Variants in TSGA10IP observed in about 807,000 individuals in gnomAD.
TSGA10IP encodes testis-specific protein 10-interacting protein.
TSGA10IP carries 64 observed loss-of-function variants against 63.2 expected under a neutral mutation model. That is an observed-to-expected ratio of 1.01 (90% CI 0.83 to 1.25). TSGA10IP has a LOEUF of 1.25. TSGA10IP is among the 50% of genes most tolerant of loss of function. The pLI is 0.00. For missense variants in TSGA10IP, 681 were observed against 710.1 expected, an observed-to-expected ratio of 0.96 and a Z score of 0.47; for synonymous variants, 316 against 298.3, an observed-to-expected ratio of 1.06 and a Z score of -0.61.
intron 4 of TSGA10IP, among the ~76,000 whole-genome samples, chr11:65,950,033 A>T (rs1448387716): frequency 2.0e-5 from 3 of 150,660 alleles, no homozygotes; most frequent in Non-Finnish European, 4.4e-5. Context: ...TTGTATTTTT[A>T]ATAGAGATGG....
At chr11:65,947,616 C>T in exon 3 of TSGA10IP, 1 of 1,613,684 alleles carries the variant, frequency 6.2e-7, no homozygotes, top group Non-Finnish European at 8.5e-7. Flanking sequence ...CACAGGACTC[C>T]CTGCAGAAGG....
intron 4 of TSGA10IP, among the ~76,000 whole-genome samples, chr11:65,951,031 G>T (rs1854933684): frequency 6.6e-6 from 1 of 152,116 alleles, no homozygotes; most frequent in African/African-American, 2.4e-5. Flanking sequence ...CAAATGATGG[G>T]ATTTTCTTCT....
chr11:65,959,400 G>A (rs771408016), intron 7 of TSGA10IP, 86 bp downstream of exon 7: 7 of 1,539,812 alleles, frequency 4.5e-6, no homozygotes, highest in Non-Finnish European at 6.1e-6. Flanking sequence ...GCTCTGGAGG[G>A]CCTCCCCCAG....
chr11:65,957,871 C>G (rs776267274), intron 5 of TSGA10IP, among the ~76,000 whole-genome samples: 1 of 152,204 alleles, frequency 6.6e-6, no homozygotes, highest in Non-Finnish European at 1.5e-5. Flanking sequence ...TCGAAGGTCC[C>G]TCTTGCTGCT....
Position 65,953,756 on chromosome 11 carries a change from G to A in TSGA10IP, c.1322+19G>A, listed in dbSNP as rs763718956. 1.2e-5 allele frequency: 18 copies of A among 1,494,548 alleles called. No homozygotes were observed. Among genetic ancestry groups the A allele is most frequent in the African/African-American group, 2.9e-5 (2 of 70,082 alleles). 92.6% of individuals were successfully genotyped at this position (1,494,548 alleles called of 1,614,324 possible). On this transcript the variant is annotated intron_variant, in intron 5 of 7. Coordinates refer to ENST00000532620, the Ensembl canonical transcript of TSGA10IP. Reference sequence around the variant, plus strand: ...AGCTGAGGTAGGGAGCCTGGGCTTCGGGAGGCCTGGTTGGGAGAGGGCAGG... The same window carrying A: ...AGCTGAGGTAGGGAGCCTGGGCTTCAGGAGGCCTGGTTGGGAGAGGGCAGG...
At chr11:65,957,396 G>A (rs1039515935) in intron 5 of TSGA10IP, among the ~76,000 whole-genome samples, 8 of 152,126 alleles carry the variant, frequency 5.3e-5, no homozygotes, top group Admixed American at 1.3e-4. Flanking sequence ...AGATCTGCCC[G>A]CCTCGGCCAG....
At chr11:65,959,040 G>T (rs1011148846) in intron 6 of TSGA10IP, 58 bp downstream of exon 6, 1 of 1,594,978 alleles carries the variant, frequency 6.3e-7, no homozygotes, top group Non-Finnish European at 8.6e-7. Context: ...TGGCTGAGTG[G>T]GTAGGGAAGC....
intron 4 of TSGA10IP, among the ~76,000 whole-genome samples, chr11:65,953,018 TTTTC>T (rs1175535789): frequency 5.9e-5 from 9 of 151,276 alleles, no homozygotes; most frequent in Admixed American, 3.9e-4. Context: ...TTCATTTCTT[TTTTC>T]TTTCTTTCTT....
chr11:65,957,007 G>A (rs1000240798), intron 5 of TSGA10IP, among the ~76,000 whole-genome samples: 1 of 152,202 alleles, frequency 6.6e-6, no homozygotes, highest in Non-Finnish European at 1.5e-5. Flanking sequence ...TTCGCTGTCT[G>A]AGCGGAACAG....
At chr11:65,959,285 G>A (rs1855077838) in exon 7 of TSGA10IP, 3 of 1,611,178 alleles carry the variant, frequency 1.9e-6, no homozygotes, top group South Asian at 1.1e-5. Flanking sequence ...CAGGAAAGGT[G>A]GACAGAGAGG....
intron 5 of TSGA10IP, among the ~76,000 whole-genome samples, chr11:65,956,677 G>A (rs758325672): frequency 4.6e-5 from 7 of 152,050 alleles, no homozygotes; most frequent in Non-Finnish European, 1.0e-4. Flanking sequence ...ACAGGTGCGC[G>A]CCACCACACC....
chr11:65,948,086 T>A, exon 4 of TSGA10IP: 1 of 1,595,302 alleles, frequency 6.3e-7, no homozygotes, highest in Non-Finnish European at 8.5e-7. Context: ...CGGGATACGA[T>A]GAAACTTTCG....
chr11:65,951,701 C>T (rs1201028001), intron 4 of TSGA10IP, among the ~76,000 whole-genome samples: 2 of 151,552 alleles, frequency 1.3e-5, no homozygotes, highest in Non-Finnish European at 2.9e-5. Flanking sequence ...CCACATCCAG[C>T]TGATTTATTT....
chr11:65,947,405 C>G (rs1421063432), exon 3 of TSGA10IP: 2 of 1,613,100 alleles, frequency 1.2e-6, no homozygotes, highest in Non-Finnish European at 1.7e-6. Flanking sequence ...AGGATCAGAG[C>G]CCCCCAGTGG....
chr11:65,950,332 C>G (rs1475717693), intron 4 of TSGA10IP, among the ~76,000 whole-genome samples: 1 of 152,148 alleles, frequency 6.6e-6, no homozygotes, highest in Non-Finnish European at 1.5e-5. Flanking sequence ...CTTCTCCCCA[C>G]AAACCCAGTG....
intron 5 of TSGA10IP, among the ~76,000 whole-genome samples, chr11:65,958,537 G>A (rs1855063364): frequency 6.6e-6 from 1 of 152,114 alleles, no homozygotes; most frequent in African/African-American, 2.4e-5. Flanking sequence ...GGGAAGCTAT[G>A]TAAGCACGTG....
At chr11:65,949,850 G>GAT (rs1555055659) in intron 4 of TSGA10IP, among the ~76,000 whole-genome samples, 1 of 101,702 alleles carries the variant, frequency 9.8e-6, no homozygotes, top group Non-Finnish European at 1.8e-5. Context: ...CATTACCTCG[G>GAT]TTTTTTTTTT....
At chr11:65,951,136 T>C (rs1854935053) in intron 4 of TSGA10IP, among the ~76,000 whole-genome samples, 1 of 152,212 alleles carries the variant, frequency 6.6e-6, no homozygotes, top group South Asian at 2.1e-4. Context: ...ATATCTTTGC[T>C]ACTGTGAATA....
At chr11:65,953,181 C>T (rs1408119105) in intron 4 of TSGA10IP, among the ~76,000 whole-genome samples, 1 of 151,998 alleles carries the variant, frequency 6.6e-6, no homozygotes, top group Non-Finnish European at 1.5e-5. Context: ...CAGGCATATG[C>T]CACCACGCCT....
Sources: allele counts gnomAD v4.1 joint callset (sites outside exome capture counted in the v4.1 genomes callset), GRCh38; gene constraint gnomAD v4.1.1; transcripts MANE v1.5; gene names NCBI Gene and HGNC (gene_info 2026-07-23, HGNC 2026-07-21).